PDZD2: variants seen among roughly 807,000 people sequenced by gnomAD.
PDZD2 encodes PDZ domain-containing protein 2.
A neutral mutation model predicts 220.7 loss-of-function variants in PDZD2; 90 were observed. That is an observed-to-expected ratio of 0.41 (90% CI 0.34 to 0.49). The LOEUF (loss-of-function observed/expected upper bound fraction) is 0.49, where lower values mean the gene tolerates loss of function less well. Among genes scored for constraint, PDZD2 ranks in the 20% least tolerant of loss-of-function variants. The pLI, the probability that PDZD2 is intolerant of heterozygous loss-of-function variation, is 0.28. For missense variants in PDZD2, 3,174 were observed against 3,608.5 expected, an observed-to-expected ratio of 0.88 and a Z score of 3.08; for synonymous variants, 1,375 against 1,450.5, an observed-to-expected ratio of 0.95 and a Z score of 1.18.
intron 1 of PDZD2, among the ~76,000 whole-genome samples, chr5:31,748,480 A>G (rs1750734901): frequency 6.6e-6 from 1 of 152,156 alleles, no homozygotes; most frequent in East Asian, 1.9e-4. Context: ...CATAATTCCA[A>G]CAGCCCAAAC....
At chr5:31,723,053 C>T (rs910407461) in intron 1 of PDZD2, among the ~76,000 whole-genome samples, 2 of 152,142 alleles carry the variant, frequency 1.3e-5, no homozygotes, top group Non-Finnish European at 2.9e-5. Flanking sequence ...TCTAAAGAAA[C>T]GTGCATATAA....
chr5:32,073,859 C>A lies in PDZD2; in HGVS notation c.2753C>A (p.Ala918Asp). The change falls in exon 18 of 25, where the codon GCC becomes GAC. Residue 918 changes from alanine to aspartate, a missense_variant. Around this residue, in one of 4 missense-constraint regions of PDZD2, gnomAD observed 1,861 missense variants for 2,001.0 expected, o/e 0.93. Coordinates refer to ENST00000438447, the MANE Select transcript of PDZD2 (RefSeq NM_178140.4). ...STHKEPGKPR[A>D]NSLVTLGSHR... is the part of the protein sequence containing the mutation. ...CACAAGGAGCCTGGAAAACCCAGAG[C>A]CAACAGCCTCGTGACTCTTGGGAGC... is the stretch of plus-strand genomic sequence containing the variant. 6.2e-7 allele frequency: 1 copy of A among 1,612,424 alleles called. No homozygotes were observed. Among genetic ancestry groups the A allele is most frequent in the Non-Finnish European group, 8.5e-7 (1 of 1,179,406 alleles).
chr5:31,911,799 A>G (rs1743230203), intron 2 of PDZD2, among the ~76,000 whole-genome samples: 1 of 152,176 alleles, frequency 6.6e-6, no homozygotes, highest in Non-Finnish European at 1.5e-5. Flanking sequence ...GAGGGGATGA[A>G]TGCCAGGACT....
chr5:31,766,907 T>C (rs1370081635), intron 1 of PDZD2, among the ~76,000 whole-genome samples: 1 of 151,668 alleles, frequency 6.6e-6, no homozygotes, highest in Non-Finnish European at 1.5e-5. Context: ...TTTATATTTT[T>C]AGTAGAGACT....
intron 10 of PDZD2, among the ~76,000 whole-genome samples, chr5:32,055,004 A>G (rs1738964946): frequency 6.6e-6 from 1 of 152,194 alleles, no homozygotes; most frequent in Non-Finnish European, 1.5e-5. Flanking sequence ...ACCTTACTTG[A>G]GAAAATAAAA....
At chr5:32,009,455 C>G (rs112764950) in intron 5 of PDZD2, among the ~76,000 whole-genome samples, 1 of 151,890 alleles carries the variant, frequency 6.6e-6, no homozygotes, top group East Asian at 1.9e-4. Flanking sequence ...GGGCCAGGTG[C>G]GGTGACTCAC....
chr5:31,815,984 G>A (rs899284740), intron 2 of PDZD2, among the ~76,000 whole-genome samples: 3 of 152,022 alleles, frequency 2.0e-5, no homozygotes, highest in Non-Finnish European at 4.4e-5. Flanking sequence ...TAGAGTAATA[G>A]AACTTAAACA....
rs1046654592 is a variant in PDZD2 at position 31,772,200 on chromosome 5, C to T, written c.-360-26689C>T. On this transcript the variant is annotated intron_variant, in intron 1 of 24. Transcript: ENST00000438447. ...TAATCAGTAGTTCACATCTGTTTCC[C>T]GGGTCACCAGCTCCATCCTAACTCA... Among the ~76,000 whole-genome samples the T allele has an allele frequency of 5.9e-5, 9 of 152,096 alleles. No individual in the cohort carries two copies. In the South Asian group the frequency reaches 8.3e-4, roughly 14 times the overall value.
intron 7 of PDZD2, among the ~76,000 whole-genome samples, chr5:32,038,054 G>A (rs1755696682): frequency 6.7e-6 from 1 of 149,092 alleles, no homozygotes; most frequent in African/African-American, 2.5e-5. Context: ...ATGTTGGCCA[G>A]GCTGGTCTTG....
At chr5:32,041,871 C>A (rs867101290) in intron 7 of PDZD2, among the ~76,000 whole-genome samples, 2 of 100,744 alleles carry the variant, frequency 2.0e-5, no homozygotes, top group Admixed American at 1.1e-4. Flanking sequence ...ACAACAACAA[C>A]AACAAAACTA....
intron 1 of PDZD2, among the ~76,000 whole-genome samples, chr5:31,665,739 C>T (rs1175620417): frequency 3.3e-5 from 5 of 151,100 alleles, no homozygotes; most frequent in East Asian, 3.9e-4. Flanking sequence ...TTCCCAGCCA[C>T]GCGGAACTGT....
At chr5:31,714,794 C>T (rs1748338652) in intron 1 of PDZD2, among the ~76,000 whole-genome samples, 1 of 152,022 alleles carries the variant, frequency 6.6e-6, no homozygotes, top group African/African-American at 2.4e-5. Flanking sequence ...CGCAGTTGCT[C>T]ACGCCTGTAA....
chr5:31,995,381 C>T (rs1751545682), intron 3 of PDZD2, among the ~76,000 whole-genome samples, 195 bp from the exon 4 acceptor site: 1 of 152,158 alleles, frequency 6.6e-6, no homozygotes, highest in Admixed American at 6.5e-5. Context: ...TTTCCATGAT[C>T]ACAGAAAGTT....
At chr5:31,697,217 C>T (rs1325008253) in intron 1 of PDZD2, among the ~76,000 whole-genome samples, 1 of 152,230 alleles carries the variant, frequency 6.6e-6, no homozygotes, top group Non-Finnish European at 1.5e-5. Flanking sequence ...AATCCCAGGA[C>T]TTTGGGAGGC....
intron 1 of PDZD2, among the ~76,000 whole-genome samples, chr5:31,642,999 G>C (rs1242157001): frequency 2.0e-5 from 3 of 152,174 alleles, no homozygotes; most frequent in Admixed American, 1.3e-4. Context: ...AGAACTTCCT[G>C]CTGGGCCAGA....
At chr5:32,102,876 C>T (rs564395434) in intron 24 of PDZD2, among the ~76,000 whole-genome samples, 1 of 152,254 alleles carries the variant, frequency 6.6e-6, no homozygotes, top group East Asian at 1.9e-4. Flanking sequence ...CAATACCAGC[C>T]TCAACAGCAG....
chr5:31,879,803 G>T (rs1580975619), intron 2 of PDZD2, among the ~76,000 whole-genome samples: 1 of 150,932 alleles, frequency 6.6e-6, no homozygotes, highest in East Asian at 1.9e-4. Context: ...GTTTATTTCT[G>T]GAATTGAAAA....
Position 31,971,041 on chromosome 5 carries a change from C to T in PDZD2, c.477-12114C>T, listed in dbSNP as rs571867652. Among the ~76,000 whole-genome samples, 67 of 152,360 alleles carry T rather than the reference C, an allele frequency of 4.4e-4. 1 individual carries two copies. The Middle Eastern group carries it at 0.024, about 54-fold the overall frequency. ...GTCAGATAGACCCTTCCCCAGAAAGCTGCTCTACAGCCTCAGGTGATGACT... is the reference window on the plus strand; with the variant it reads ...GTCAGATAGACCCTTCCCCAGAAAGTTGCTCTACAGCCTCAGGTGATGACT... On this transcript the variant is annotated intron_variant, in intron 2 of 24. Transcript: ENST00000438447.
intron 2 of PDZD2, chr5:31,822,435 T>C: frequency 2.6e-6 from 1 of 392,082 alleles, no homozygotes; most frequent in South Asian, 2.1e-5. Context: ...CACACCTGGC[T>C]AATTTTTTTA....
Sources: gnomAD v4.1 joint callset for allele counts (sites outside exome capture counted in the v4.1 genomes callset) on GRCh38, gnomAD v4.1.1 for gene constraint, gnomAD v4.1.1 regional missense constraint, MANE v1.5 for transcripts, NCBI Gene and HGNC (gene_info 2026-07-23, HGNC 2026-07-21) for gene names.